CNOT1: variants seen among roughly 807,000 people sequenced by gnomAD.
The protein encoded by CNOT1 is CCR4-NOT transcription complex subunit 1, also known as CCR4-associated factor 1.
CNOT1 carries 15 observed loss-of-function variants against 273.8 expected under a neutral mutation model. That is an observed-to-expected ratio of 0.05 (90% confidence interval 0.04 to 0.08). CNOT1 has a LOEUF of 0.08. Among genes scored for constraint, CNOT1 ranks in the 10% least tolerant of loss-of-function variants. CNOT1 has a pLI of 1.00. For synonymous variants in CNOT1, 1,022 were observed against 1,005.5 expected, an observed-to-expected ratio of 1.02 and a Z score of -0.31; for missense variants, 1,644 against 2,912.2, an observed-to-expected ratio of 0.56 and a Z score of 10.02.
At position 58,521,079 on chromosome 16, in the gene CNOT1, G is replaced by T. The variant is rs371300514; in HGVS notation, c.7053-43C>A. On this transcript the variant is annotated intron_variant, in intron 48 of 48. Coordinates refer to ENST00000317147, the MANE Select transcript of CNOT1 (RefSeq NM_016284.5). ...TTACAAATCTCTGATTAAAGAGTAG[G>T]CCTAACAATACCTTGCATCTCATTC... The T allele has an allele frequency of 5.6e-6, 9 of 1,613,334 alleles. No individual in the cohort carries two copies. In the African/African-American group the frequency reaches 1.1e-4, roughly 19 times the overall value.
chr16:58,608,729 A>G (rs2042780305), intron 1 of CNOT1, among the ~76,000 whole-genome samples: 1 of 152,152 alleles, frequency 6.6e-6, no homozygotes, highest in South Asian at 2.1e-4. Context: ...CCATCCATCA[A>G]CGAGTGGATA....
chr16:58,596,663 G>A (rs1052395438), intron 2 of CNOT1, among the ~76,000 whole-genome samples: 4 of 151,836 alleles, frequency 2.6e-5, no homozygotes, highest in Admixed American at 6.6e-5. Context: ...CAAGGCGGGC[G>A]GATCACAAGG....
chr16:58,539,466 T>TACAC (rs55998166), intron 35 of CNOT1, among the ~76,000 whole-genome samples: 64,270 of 145,394 alleles, frequency 0.44, 14,240 homozygotes, highest in Middle Eastern at 0.56. Context: ...CCCTGTCTCT[T>TACAC]ACACACACAC....
rs1037660513 is a variant in CNOT1 at position 58,537,106 on chromosome 16, A to T, written c.5529T>A (p.Asp1843Glu). The T allele has an allele frequency of 1.2e-6, 2 of 1,614,088 alleles. No individual in the cohort carries two copies. Among genetic ancestry groups the T allele is most frequent in the Non-Finnish European group, 1.7e-6 (2 of 1,180,050 alleles). Residue 1843 changes from aspartate to glutamate, a missense_variant, in exon 39 of 49, where the codon GAT becomes GAA. Asp to Glu is a conservative substitution (Grantham distance 45). Transcript: ENST00000317147. ...HSGISQASEY[D>E]DPPGLREKAE... ...CCTTCTCCCTCAGGCCTGGAGGGTC[A>T]TCATACTCTGAGGCTTGAGAGATCC...
chr16:58,574,840 T>C (rs1030851389), intron 15 of CNOT1, 80 bp from the exon 16 acceptor site: 10 of 1,565,202 alleles, frequency 6.4e-6, no homozygotes, highest in Non-Finnish European at 8.6e-7. Context: ...CTAAGCACTA[T>C]AACTAAAATC....
chr16:58,595,770 T>A (rs2042229696), intron 2 of CNOT1, among the ~76,000 whole-genome samples: 1 of 152,098 alleles, frequency 6.6e-6, no homozygotes, highest in African/African-American at 2.4e-5. Flanking sequence ...CCTGCCTCTC[T>A]AACCCATCAC....
chr16:58,569,851 A>C (rs1005535622), intron 16 of CNOT1, among the ~76,000 whole-genome samples: 1 of 152,160 alleles, frequency 6.6e-6, no homozygotes, highest in Admixed American at 6.5e-5. Context: ...AAACCCGATA[A>C]ATTTTATTAA....
At chr16:58,620,528 A>G (rs2043267788) in intron 1 of CNOT1, among the ~76,000 whole-genome samples, 2 of 151,988 alleles carry the variant, frequency 1.3e-5, no homozygotes, top group African/African-American at 2.4e-5. Flanking sequence ...CTGTAATCCC[A>G]GCTACTCGGC....
intron 1 of CNOT1, among the ~76,000 whole-genome samples, chr16:58,628,038 G>A (rs1398992680): frequency 6.6e-6 from 1 of 152,154 alleles, no homozygotes; most frequent in Non-Finnish European, 1.5e-5. Context: ...ATGTTGGCCA[G>A]GCTGGTCTCG....
intron 16 of CNOT1, among the ~76,000 whole-genome samples, chr16:58,564,128 G>C (rs886404358): frequency 6.6e-6 from 1 of 152,158 alleles, no homozygotes; most frequent in African/African-American, 2.4e-5. Context: ...GTGAAGGATA[G>C]GGATAAATAT....
chr16:58,545,193 G>C (rs1011283755), intron 30 of CNOT1, among the ~76,000 whole-genome samples, 168 bp downstream of exon 30: 2 of 152,168 alleles, frequency 1.3e-5, no homozygotes, highest in African/African-American at 4.8e-5. Context: ...AAGGGAAGAA[G>C]AACAATCCCA....
intron 10 of CNOT1, among the ~76,000 whole-genome samples, chr16:58,581,990 G>T (rs1328580493): frequency 6.6e-6 from 1 of 151,978 alleles, no homozygotes; most frequent in Admixed American, 6.6e-5. Flanking sequence ...ATATCTAAAA[G>T]TTCCATTCTA....
intron 21 of CNOT1, 138 bp from the exon 22 acceptor site, chr16:58,553,998 T>C: frequency 1.6e-6 from 2 of 1,213,706 alleles, no homozygotes; most frequent in Non-Finnish European, 1.1e-6. Flanking sequence ...AATGTCAAAG[T>C]GAAGAAAACA....
chr16:58,587,609 C>A (rs2041917857), intron 4 of CNOT1, among the ~76,000 whole-genome samples, 171 bp downstream of exon 4: 1 of 152,108 alleles, frequency 6.6e-6, no homozygotes, highest in Admixed American at 6.6e-5. Context: ...TAGTAAGATT[C>A]TATTTATTAT....
intron 33 of CNOT1, 132 bp from the exon 34 acceptor site, chr16:58,541,752 G>A: frequency 1.3e-6 from 1 of 797,826 alleles, no homozygotes; most frequent in Non-Finnish European, 2.0e-6. Flanking sequence ...GCATGATTAA[G>A]CATGCACGCA....
At chr16:58,535,445 A>G (rs1353015302) in intron 39 of CNOT1, among the ~76,000 whole-genome samples, 1 of 152,230 alleles carries the variant, frequency 6.6e-6, no homozygotes, top group African/African-American at 2.4e-5. Context: ...AACAGCACAG[A>G]AAAGTATAAT....
In CNOT1 at chr16:58,575,097, A is replaced by G; in HGVS notation, c.1737T>C (p.Phe579=). ...ALSMLLNGTP[F]AFVIDLAALA... ...GTGCAGCAAGGTCAATAACAAAGGC[A>G]AATGGAGTACCATTTAGCAGCATTG... The change falls in exon 15 of 49, where the codon TTT becomes TTC. Residue 579 remains phenylalanine, a synonymous_variant. Coordinates refer to ENST00000317147, the MANE Select transcript of CNOT1 (RefSeq NM_016284.5). 6.2e-7 allele frequency: 1 copy of G among 1,614,152 alleles called. No homozygotes were observed. Among genetic ancestry groups the G allele is most frequent in the Non-Finnish European group, 8.5e-7 (1 of 1,180,020 alleles).
At chr16:58,619,395 G>T (rs2043219113) in intron 1 of CNOT1, among the ~76,000 whole-genome samples, 1 of 151,342 alleles carries the variant, frequency 6.6e-6, no homozygotes, top group African/African-American at 2.4e-5. Context: ...TTGTAAAAGA[G>T]CATCTTTTGG....
At chr16:58,597,772 C>A (rs754537716) in intron 2 of CNOT1, 8 of 498,410 alleles carry the variant, frequency 1.6e-5, no homozygotes, top group Admixed American at 2.2e-5. Flanking sequence ...AGTCCAGGGG[C>A]CCAAGGCTCT....
Sources: allele counts gnomAD v4.1 joint callset (sites outside exome capture counted in the v4.1 genomes callset), GRCh38; gene constraint gnomAD v4.1.1; transcripts MANE v1.5; gene names NCBI Gene and HGNC (gene_info 2026-07-23, HGNC 2026-07-21).